The following ZFHX3 variants were observed in gnomAD, a reference collection of about 807,000 sequenced individuals.
The protein encoded by ZFHX3 is zinc finger homeobox protein 3.
Under a neutral mutation model 279.1 loss-of-function variants are expected in ZFHX3, and 42 were observed. That is an observed-to-expected ratio of 0.15 (90% CI 0.12 to 0.19). ZFHX3 has a LOEUF of 0.19. Ranked by LOEUF, ZFHX3 falls within the 10% of genes least tolerant of loss-of-function variation. The probability of loss-of-function intolerance (pLI) is 1.00; values close to 1 mark genes in which losing one functional copy is unlikely to be tolerated. For synonymous variants in ZFHX3, 2,293 were observed against 1,957.8 expected, an observed-to-expected ratio of 1.17 and a Z score of -4.52; for missense variants, 4,981 against 4,754.0, an observed-to-expected ratio of 1.05 and a Z score of -1.40.
intron 2 of ZFHX3, among the ~76,000 whole-genome samples, chr16:73,476,116 C>T (rs903623531): frequency 1.3e-5 from 2 of 152,076 alleles, no homozygotes; most frequent in African/African-American, 4.8e-5. Context: ...CATTGTTTTC[C>T]TGTTTGCAAG....
intron 5 of ZFHX3, among the ~76,000 whole-genome samples, chr16:73,196,204 T>C (rs868670256): frequency 1.3e-5 from 2 of 151,278 alleles, no homozygotes; most frequent in Middle Eastern, 3.4e-3. Flanking sequence ...GTTTAATTGC[T>C]CTTCACAGGT....
chr16:73,009,141 T>C (rs999770328), intron 1 of ZFHX3, among the ~76,000 whole-genome samples: 2 of 152,088 alleles, frequency 1.3e-5, no homozygotes, highest in East Asian at 1.9e-4. Flanking sequence ...CCCAAATTAA[T>C]TGAATTAACT....
chr16:73,567,862 T>A (rs1040192786), intron 2 of ZFHX3, among the ~76,000 whole-genome samples: 2 of 144,404 alleles, frequency 1.4e-5, no homozygotes, highest in African/African-American at 5.6e-5. Flanking sequence ...AAATGCTAAT[T>A]GAAAGATTTT....
intron 5 of ZFHX3, among the ~76,000 whole-genome samples, chr16:73,256,490 A>G (rs929229094): frequency 2.0e-5 from 3 of 152,230 alleles, no homozygotes; most frequent in Non-Finnish European, 4.4e-5. Flanking sequence ...GAGACTTCAA[A>G]AAAAGCAGAT....
intron 6 of ZFHX3, among the ~76,000 whole-genome samples, chr16:73,138,766 C>A (rs570276145): frequency 8.9e-4 from 136 of 152,248 alleles, no homozygotes; most frequent in Non-Finnish European, 1.9e-3. Context: ...TGGCTCACTG[C>A]AGCCTGGACT....
chr16:72,865,288 G>A (rs957911640), intron 4 of ZFHX3, among the ~76,000 whole-genome samples: 2 of 152,324 alleles, frequency 1.3e-5, no homozygotes, highest in African/African-American at 2.4e-5. Context: ...GAGACCAATG[G>A]GAAAAGGGCT....
chr16:73,280,261 C>G (rs2014423553), intron 4 of ZFHX3, among the ~76,000 whole-genome samples: 1 of 152,060 alleles, frequency 6.6e-6, no homozygotes, highest in Admixed American at 6.5e-5. Flanking sequence ...GGGACTCTAT[C>G]AAACTAAAAT....
At position 72,848,620 on chromosome 16, in the gene ZFHX3, C is replaced by T. The variant is rs552962924; in HGVS notation, c.3449-18761G>A. 3.3e-5 allele frequency among the ~76,000 whole-genome samples: 5 copies of T among 151,958 alleles called. No homozygotes were observed. The East Asian group carries it at 9.8e-4, about 30-fold the overall frequency. ...TCGGCGGCCTCCCAGGCTGGGTCTG[C>T]GGCCATCACCCTGTGCCCCCCCTCC... On this transcript the variant is annotated intron_variant, in intron 4 of 9. Transcript: ENST00000268489.
chr16:73,605,420 G>A (rs903322618), intron 2 of ZFHX3, among the ~76,000 whole-genome samples: 3 of 152,138 alleles, frequency 2.0e-5, no homozygotes, highest in Non-Finnish European at 2.9e-5. Flanking sequence ...AGATCCTAAC[G>A]TTAAATCAGC....
intron 1 of ZFHX3, among the ~76,000 whole-genome samples, chr16:73,694,905 C>T (rs2053182302): frequency 6.6e-6 from 1 of 152,196 alleles, no homozygotes; most frequent in South Asian, 2.1e-4. Flanking sequence ...AAACCATTTA[C>T]CGACCAATGG....
intron 7 of ZFHX3, among the ~76,000 whole-genome samples, chr16:73,112,017 T>C (rs8056203): frequency 0.081 from 12,235 of 151,916 alleles, 801 homozygotes; most frequent in African/African-American, 0.18. Flanking sequence ...AGGTTTGCAG[T>C]TGTAGAATCT....
chr16:73,688,202 C>T (rs987375731), intron 1 of ZFHX3, among the ~76,000 whole-genome samples: 14 of 151,626 alleles, frequency 9.2e-5, no homozygotes, highest in African/African-American at 2.2e-4. Flanking sequence ...ACTAAAAATA[C>T]GAAAATTAAC....
intron 3 of ZFHX3, among the ~76,000 whole-genome samples, chr16:73,386,284 TAAA>T (rs374438974): frequency 1.1e-3 from 163 of 152,132 alleles, no homozygotes; most frequent in Middle Eastern, 3.4e-3. Context: ...AGGACCTTAT[TAAA>T]AAACCCACAG....
At chr16:73,797,736 T>A (rs189643225) in intron 1 of ZFHX3, among the ~76,000 whole-genome samples, 1 of 151,986 alleles carries the variant, frequency 6.6e-6, no homozygotes, top group African/African-American at 2.4e-5. Context: ...AGTTTCTTCG[T>A]CTAAAAATTA....
chr16:72,900,612 C>T (rs1317362689), intron 3 of ZFHX3, among the ~76,000 whole-genome samples: 1 of 152,200 alleles, frequency 6.6e-6, no homozygotes, highest in Non-Finnish European at 1.5e-5. Flanking sequence ...GCCAGGTGGG[C>T]TTGGTGATGG....
chr16:73,612,821 CA>C (rs1396341538), intron 2 of ZFHX3, among the ~76,000 whole-genome samples: 3 of 151,890 alleles, frequency 2.0e-5, no homozygotes, highest in Admixed American at 6.6e-5. Flanking sequence ...GAGAAACACA[CA>C]CTGTAAACGT....
At chr16:73,611,366 G>C (rs2052244321) in intron 2 of ZFHX3, among the ~76,000 whole-genome samples, 1 of 152,108 alleles carries the variant, frequency 6.6e-6, no homozygotes, top group African/African-American at 2.4e-5. Context: ...TTTTTCTTGA[G>C]CACCGTAGAT....
intron 2 of ZFHX3, among the ~76,000 whole-genome samples, chr16:73,607,106 G>A (rs1403798856): frequency 6.6e-6 from 1 of 152,190 alleles, no homozygotes; most frequent in Non-Finnish European, 1.5e-5. Flanking sequence ...TTGGCTCACT[G>A]CAACCTCCAT....
At chr16:73,249,119 T>C (rs2013402712) in intron 5 of ZFHX3, among the ~76,000 whole-genome samples, 1 of 152,202 alleles carries the variant, frequency 6.6e-6, no homozygotes, top group Non-Finnish European at 1.5e-5. Context: ...TATTGCCACT[T>C]AAAGATGGCC....
Sources: allele counts gnomAD v4.1 joint callset (sites outside exome capture counted in the v4.1 genomes callset), GRCh38; gene constraint gnomAD v4.1.1; transcripts MANE v1.5; gene names NCBI Gene and HGNC (gene_info 2026-07-23, HGNC 2026-07-21).